The following DBX1 variants were observed in gnomAD, a reference collection of about 807,000 sequenced individuals.
The protein encoded by DBX1 is developing brain homeobox 1.
A neutral mutation model predicts 20.8 loss-of-function variants in DBX1; 10 were observed. The ratio of observed to expected loss-of-function variants is 0.48; its 90% CI spans 0.30 to 0.82. The LOEUF (loss-of-function observed/expected upper bound fraction) is 0.82, where lower values mean the gene tolerates loss of function less well. Ranked by LOEUF, DBX1 falls within the 40% of genes least tolerant of loss-of-function variation. The pLI, the probability that DBX1 is intolerant of heterozygous loss-of-function variation, is 0.07. For missense variants in DBX1, 505 were observed against 468.8 expected (o/e 1.08, Z -0.71); for synonymous variants, 241 against 213.9 (o/e 1.13, Z -1.11).
Position 20,156,247 on chromosome 11 carries a change from C to A in DBX1, c.999G>T (p.Glu333Asp), listed in dbSNP as rs764020741. 5 of 1,520,520 alleles carry A rather than the reference C, an allele frequency of 3.3e-6. No individual in the cohort carries two copies. Among genetic ancestry groups the A allele is most frequent in the Non-Finnish European group, 4.4e-6 (5 of 1,136,304 alleles). 94.2% of individuals were successfully genotyped at this position (1,520,520 alleles called of 1,614,324 possible). The change falls in exon 4 of 4, where the codon GAG (glutamate) becomes GAT (aspartate). Residue 333 changes from glutamate to aspartate, a missense_variant. Glu to Asp is a conservative substitution (Grantham distance 45, BLOSUM62 2). Transcript: ENST00000524983. The surrounding 1 kb of genome is among the most constrained non-coding windows in gnomAD (Gnocchi z 4.8). ...SDFSDSEEEEEGEEQEEITVS is the reference protein window; with the variant it reads ...SDFSDSEEEEDGEEQEEITVS ...CGGTGATTTCCTCCTGTTCCTCGCC[C>A]TCCTCTTCCTCCTCGGAATCTGAGA...
rs1310020631 is a variant in DBX1, at chr11:20,160,377, G to A, written c.-53C>T. ...TTCTTTCAGTGGCCGGAGGGTAAAC[G>A]CCTCGCTTCCCGCCCCTCCCGCCCC... On this transcript the variant is annotated 5_prime_UTR_variant, in exon 1 of 4. Transcript: ENST00000524983. 2.1e-6 allele frequency: 3 copies of A among 1,454,630 alleles called. No individual in the cohort carries two copies. The highest frequency in any genetic ancestry group is 2.9e-5 in the African/African-American group (2 of 69,910). 90.1% of individuals were successfully genotyped at this position (1,454,630 alleles called of 1,614,324 possible). A position where few individuals can be genotyped will look rare whatever the true frequency, so the allele number is the denominator to read the frequency against.
chr11:20,156,352 C>T lies in DBX1; in HGVS notation c.894G>A (p.Gln298=). Residue 298 remains glutamine (Q), a synonymous_variant, in exon 4 of 4, where the codon CAG becomes CAA. Transcript: ENST00000524983. The surrounding 1 kb of genome is among the most constrained non-coding windows in gnomAD (Gnocchi z 4.8). The part of the protein sequence containing the change: ...RLAYHASSDP[Q]HLRDPRLPGP... ...CTGGCAGCCGCGGGTCCCGCAGGTG[C>T]TGGGGGTCGGAGGACGCGTGGTAGG... 2 of 1,600,580 alleles carry T rather than the reference C, an allele frequency of 1.2e-6. No homozygotes were observed. The highest frequency in any genetic ancestry group is 1.3e-5 in the African/African-American group (1 of 74,698).
In DBX1 at chr11:20,158,647, C is replaced by T. The variant is rs911784778; in HGVS notation, c.469+544G>A. Among the ~76,000 whole-genome samples, 58 of 152,044 alleles carry T rather than the reference C, an allele frequency of 3.8e-4. 1 individual carries two copies. Among genetic ancestry groups the T allele is most frequent in the African/African-American group, 1.2e-3 (50 of 41,382 alleles). ...TTGGGATTGGGGGAGGATCTAATCCCCCTCCCCCTGGGCGACCCTAGGCAT... is the reference window on the plus strand; with the variant it reads ...TTGGGATTGGGGGAGGATCTAATCCTCCTCCCCCTGGGCGACCCTAGGCAT... On this transcript the variant is annotated intron_variant, in intron 2 of 3. Transcript: ENST00000524983.
Position 20,160,179 on chromosome 11 carries a change from C to G in DBX1, c.146G>C (p.Arg49Pro), listed in dbSNP as rs752562311. Reference protein sequence around the residue: ...FLVEDLIRISRPPAYLPRSVP... With the variant: ...FLVEDLIRISPPPAYLPRSVP... ...GCTGCGGGGCAGGTAGGCGGGGGGT[C>G]GGCTGATGCGGATCAGATCCTCCAC... The change falls in exon 1 of 4, where the codon CGA (arginine) becomes CCA (proline). Residue 49 changes from arginine to proline, a missense_variant. Arg to Pro is a moderately radical substitution (Grantham distance 103). Coordinates refer to ENST00000524983, the MANE Select transcript of DBX1 (RefSeq NM_001029865.4). The G allele has an allele frequency of 4.2e-5, 65 of 1,547,398 alleles. No homozygotes were observed. Among genetic ancestry groups the G allele is most frequent in the Non-Finnish European group, 5.1e-5 (58 of 1,146,292 alleles).
rs750508589 is a variant in DBX1, at chr11:20,156,155, G to A, written c.*59C>T. The A allele has an allele frequency of 2.5e-5, 38 of 1,508,362 alleles. No homozygotes were observed. The highest frequency in any genetic ancestry group is 3.2e-5 in the Non-Finnish European group (36 of 1,129,044). The allele number at this position is 1,508,362 out of a possible 1,614,324, so 93.4% of individuals were successfully genotyped here. On this transcript the variant is annotated 3_prime_UTR_variant, in exon 4 of 4. Transcript: ENST00000524983. The surrounding 1 kb of genome is among the most constrained non-coding windows in gnomAD (Gnocchi z 4.8). ...GGGGACAAAGTGAATGCGCAGACTGGACCCCACCTCTTCGATTTCAAAGCA... is the reference window on the plus strand; with the variant it reads ...GGGGACAAAGTGAATGCGCAGACTGAACCCCACCTCTTCGATTTCAAAGCA...
chr11:20,160,007 C>G lies in DBX1; in HGVS notation c.318G>C (p.Thr106=), dbSNP rs139729153. ...PTAFSPASET[T]FLKFGVNAIL... ...TGGCGTTCACTCCAAACTTCAGAAACGTCGTCTCGCTGGCAGGGGAGAAGG... is the reference window on the plus strand; with the variant it reads ...TGGCGTTCACTCCAAACTTCAGAAAGGTCGTCTCGCTGGCAGGGGAGAAGG... Residue 106 remains threonine, a synonymous_variant, in exon 1 of 4, where the codon ACG becomes ACC. Transcript: ENST00000524983. The G allele has an allele frequency of 1.8e-5, 29 of 1,612,922 alleles. No individual in the cohort carries two copies. Among genetic ancestry groups the G allele is most frequent in the Non-Finnish European group, 2.4e-5 (28 of 1,179,632 alleles).
rs182718437 is a variant in DBX1, at chr11:20,159,445, T to G, written c.368-153A>C. 6.6e-5 allele frequency among the ~76,000 whole-genome samples: 10 copies of G among 152,194 alleles called. No homozygotes were observed. In the South Asian group the frequency reaches 1.0e-3, roughly 16 times the overall value. ...TTTCTTATACGTTGACAGGGTAAAA[T>G]AAATCTTCCCAACATTGTCTTATCT... On this transcript the variant is annotated intron_variant, in intron 1 of 3. Transcript: ENST00000524983.
rs2063682812 is a variant in DBX1, at chr11:20,160,158, C to T, written c.167G>A (p.Arg56His). The change falls in exon 1 of 4, where the codon CGC (arginine) becomes CAC (histidine). Residue 56 changes from arginine to histidine, a missense_variant. Coordinates refer to ENST00000524983, the MANE Select transcript of DBX1 (RefSeq NM_001029865.4). Reference protein sequence around the residue: ...RISRPPAYLPRSVPTASMSPP... With the variant: ...RISRPPAYLPHSVPTASMSPP... ...CGACATGCTGGCGGTGGGCACGCTG[C>T]GGGGCAGGTAGGCGGGGGGTCGGCT... 1.9e-6 allele frequency: 3 copies of T among 1,548,318 alleles called. No homozygotes were observed. The highest frequency in any genetic ancestry group is 2.6e-6 in the Non-Finnish European group (3 of 1,145,968).
At chr11:20,157,383 A>C in intron 2 of DBX1, 144 bp from the exon 3 acceptor site, 1 of 756,522 alleles carries the variant, frequency 1.3e-6, no homozygotes, top group Non-Finnish European at 2.1e-6. Flanking sequence ...GAACCTACAA[A>C]CCTGCGAGAG....
chr11:20,157,037 C>T lies in DBX1; in HGVS notation c.672G>A (p.Gln224=), dbSNP rs913219791. The T allele has an allele frequency of 6.2e-7, 1 of 1,613,760 alleles. No homozygotes were observed. The highest frequency in any genetic ancestry group is 8.5e-7 in the Non-Finnish European group (1 of 1,179,978). The change falls in exon 3 of 4, where the codon CAG becomes CAA. Residue 224 remains glutamine (Q), a splice_region_variant and synonymous_variant. Transcript: ENST00000524983. The part of the protein sequence containing the change: ...LAAKLGLKDS[Q]VKIWFQNRRM... The stretch of plus-strand genomic sequence containing the variant: ...GGTGCTGTGGAGGAAATGCGCTCAC[C>T]TGCGAGTCTTTCAGGCCCAGCTTGG...
At chr11:20,158,289 A>G (rs2063670789) in intron 2 of DBX1, among the ~76,000 whole-genome samples, 2 of 151,260 alleles carry the variant, frequency 1.3e-5, no homozygotes, top group Admixed American at 6.6e-5. Flanking sequence ...TAAAAAATCA[A>G]TTGCTTGTTT....
At chr11:20,159,934 C>A in intron 1 of DBX1, 24 bp downstream of exon 1, 1 of 1,613,950 alleles carries the variant, frequency 6.2e-7, no homozygotes, top group South Asian at 1.1e-5. Context: ...CTGAATGGGC[C>A]CTTAGGGTTC....
rs831463 is a variant in DBX1, at chr11:20,156,684, C to G, written c.673-111G>C. 27 of 1,470,490 alleles carry G rather than the reference C, an allele frequency of 1.8e-5. No homozygotes were observed. The highest frequency in any genetic ancestry group is 2.8e-5 in the African/African-American group (2 of 71,878). The allele number at this position is 1,470,490 out of a possible 1,614,324, so 91.1% of individuals were successfully genotyped here. ...TCGGGTGCAGGCTCTGTCCTTCGGGCTGTGTCCTCTCCCCACCCCCAGAAA... is the reference window on the plus strand; with the variant it reads ...TCGGGTGCAGGCTCTGTCCTTCGGGGTGTGTCCTCTCCCCACCCCCAGAAA... On this transcript the variant is annotated intron_variant, in intron 3 of 3. Transcript: ENST00000524983. This position sits in a 1 kb window ranked among gnomAD's most constrained non-coding sequence, Gnocchi z 4.8.
chr11:20,156,688 G>T lies in DBX1; in HGVS notation c.673-115C>A. 1 of 1,445,420 alleles carries T rather than the reference G, an allele frequency of 6.9e-7. No individual in the cohort carries two copies. The highest frequency in any genetic ancestry group is 9.7e-7 in the Non-Finnish European group (1 of 1,030,984). The allele number at this position is 1,445,420 out of a possible 1,614,324, so 89.5% of individuals were successfully genotyped here. ...GTGCAGGCTCTGTCCTTCGGGCTGT[G>T]TCCTCTCCCCACCCCCAGAAATGAG... On this transcript the variant is annotated intron_variant, in intron 3 of 3. Coordinates refer to ENST00000524983, the MANE Select transcript of DBX1 (RefSeq NM_001029865.4). The surrounding 1 kb of genome is among the most constrained non-coding windows in gnomAD (Gnocchi z 4.8).
Position 20,156,898 on chromosome 11 carries a change from C to T in DBX1, c.672+139G>A. 1 of 857,714 alleles carries T rather than the reference C, an allele frequency of 1.2e-6. No homozygotes were observed. The highest frequency in any genetic ancestry group is 1.8e-6 in the Non-Finnish European group (1 of 544,724). 53.1% of individuals were successfully genotyped at this position (857,714 alleles called of 1,614,324 possible). ...AGCTTCGAGGGTAGTGGCCCGTGTA[C>T]TCACTCCCTCTCTAGGCCTCGGTTT... is the stretch of plus-strand genomic sequence containing the variant. On this transcript the variant is annotated intron_variant, in intron 3 of 3. Coordinates refer to ENST00000524983, the MANE Select transcript of DBX1 (RefSeq NM_001029865.4). The surrounding 1 kb of genome is among the most constrained non-coding windows in gnomAD (Gnocchi z 4.8).
At position 20,156,626 on chromosome 11, in the gene DBX1, G is replaced by A. The variant is rs778618317; in HGVS notation, c.673-53C>T. On this transcript the variant is annotated intron_variant, in intron 3 of 3. Transcript: ENST00000524983. The surrounding 1 kb of genome is among the most constrained non-coding windows in gnomAD (Gnocchi z 4.8). ...GGGAGAAGCAGAGGTCAGATCAGGG[G>A]CTCCGGGGGACGCACGGGGGCGGGG... is the stretch of plus-strand genomic sequence containing the variant. 2.5e-6 allele frequency: 4 copies of A among 1,613,324 alleles called. No homozygotes were observed. The East Asian group carries it at 6.7e-5, about 27-fold the overall frequency.
At chr11:20,157,361 A>C in intron 2 of DBX1, 122 bp from the exon 3 acceptor site, 1 of 891,574 alleles carries the variant, frequency 1.1e-6, no homozygotes, top group Non-Finnish European at 1.7e-6. Context: ...CTCCCCCTGG[A>C]GAATAGGCCA....
At chr11:20,159,936 T>G (rs762561545) in intron 1 of DBX1, 22 bp downstream of exon 1, 1 of 1,613,964 alleles carries the variant, frequency 6.2e-7, no homozygotes, top group South Asian at 1.1e-5. Flanking sequence ...GAATGGGCCC[T>G]TAGGGTTCTG....
At chr11:20,158,239 GTGCT>G in intron 2 of DBX1, among the ~76,000 whole-genome samples, 1 of 87,150 alleles carries the variant, frequency 1.1e-5, no homozygotes, top group Non-Finnish European at 2.2e-5. Flanking sequence ...GGTGGTGGTG[GTGCT>G]GGGGGGTGGG....
Sources: allele counts gnomAD v4.1 joint callset (sites outside exome capture counted in the v4.1 genomes callset), GRCh38; gene constraint gnomAD v4.1.1; non-coding constraint Gnocchi (gnomAD v3.1); transcripts MANE v1.5; gene names NCBI Gene and HGNC (gene_info 2026-07-23, HGNC 2026-07-21).